OSBPL8: variants seen among roughly 807,000 people sequenced by gnomAD.
OSBPL8 encodes oxysterol-binding protein-related protein 8.
OSBPL8 carries 59 observed loss-of-function variants against 125.5 expected under a neutral mutation model. That is an observed-to-expected ratio of 0.47 (90% CI 0.38 to 0.58). The LOEUF (loss-of-function observed/expected upper bound fraction) is 0.58. Among genes scored for constraint, OSBPL8 ranks in the 20% least tolerant of loss-of-function variants. The pLI is 0.00. For missense variants in OSBPL8, 758 were observed against 1,047.8 expected, an observed-to-expected ratio of 0.72 and a Z score of 3.82; for synonymous variants, 330 against 338.9, an observed-to-expected ratio of 0.97 and a Z score of 0.29.
rs147585764 is a variant in OSBPL8 at position 76,376,499 on chromosome 12, C to T, written c.1730-1129G>A. On this transcript the variant is annotated intron_variant, in intron 16 of 23. Coordinates refer to ENST00000261183, the MANE Select transcript of OSBPL8 (RefSeq NM_020841.5). The stretch of plus-strand genomic sequence containing the variant: ...ATAAAAATCATTTCATATGCTCATT[C>T]GCAAGTGGTTATAACTTCTTTTCTT... Among the ~76,000 whole-genome samples the T allele has an allele frequency of 6.6e-3, 1,012 of 152,234 alleles. 11 individuals carry two copies. The highest frequency in any genetic ancestry group is 0.023 in the African/African-American group (966 of 41,548).
intron 5 of OSBPL8, among the ~76,000 whole-genome samples, chr12:76,403,281 T>C (rs1262591553): frequency 1.3e-5 from 2 of 152,206 alleles, no homozygotes; most frequent in East Asian, 3.8e-4. Context: ...TTCTAGGATC[T>C]ACTACTTCCT....
intron 8 of OSBPL8, among the ~76,000 whole-genome samples, chr12:76,397,203 T>A (rs7488135): frequency 0.023 from 23 of 1,002 alleles, no homozygotes; most frequent in Admixed American, 0.19. Flanking sequence ...TTAAAAAAAA[T>A]TTTTTTTTTT....
chr12:76,509,544 T>G (rs2137173253), intron 1 of OSBPL8, among the ~76,000 whole-genome samples: 1 of 152,334 alleles, frequency 6.6e-6, no homozygotes, highest in East Asian at 1.9e-4. Flanking sequence ...TTCGTCAAAA[T>G]TATTTCAAAA....
chr12:76,505,746 A>G (rs1880347555), intron 1 of OSBPL8, among the ~76,000 whole-genome samples: 1 of 152,138 alleles, frequency 6.6e-6, no homozygotes, highest in Non-Finnish European at 1.5e-5. Flanking sequence ...CATGTGGCAC[A>G]TCTAAAGAAT....
intron 1 of OSBPL8, among the ~76,000 whole-genome samples, chr12:76,511,287 AG>A (rs1880964940): frequency 2.0e-5 from 3 of 152,284 alleles, no homozygotes; most frequent in Middle Eastern, 3.4e-3. Context: ...GTCAAATAGT[AG>A]TTCTGCTTTT....
intron 1 of OSBPL8, among the ~76,000 whole-genome samples, chr12:76,547,933 C>T (rs946940269): frequency 1.3e-5 from 2 of 151,982 alleles, no homozygotes; most frequent in Non-Finnish European, 2.9e-5. Flanking sequence ...TAGGACCAAG[C>T]GGCATAAAGG....
At chr12:76,450,228 G>T (rs1302154457) in intron 4 of OSBPL8, among the ~76,000 whole-genome samples, 2 of 152,132 alleles carry the variant, frequency 1.3e-5, no homozygotes, top group Middle Eastern at 3.2e-3. Context: ...AGAGGCCAGG[G>T]ATACTGCTAA....
At chr12:76,545,178 A>G (rs571954604) in intron 1 of OSBPL8, among the ~76,000 whole-genome samples, 4 of 152,332 alleles carry the variant, frequency 2.6e-5, no homozygotes, top group Non-Finnish European at 5.9e-5. Context: ...TCTTAAAGAT[A>G]ATGCTTGCAA....
intron 1 of OSBPL8, among the ~76,000 whole-genome samples, chr12:76,525,144 T>C (rs1036216965): frequency 6.6e-6 from 1 of 152,202 alleles, no homozygotes; most frequent in Non-Finnish European, 1.5e-5. Flanking sequence ...ACCACTGAGG[T>C]GTATAGACCT....
At chr12:76,369,131 A>C in intron 21 of OSBPL8, 83 bp downstream of exon 21, 1 of 1,415,436 alleles carries the variant, frequency 7.1e-7, no homozygotes. Flanking sequence ...TTAAATTTTG[A>C]AACCAAATTT....
chr12:76,367,814 C>T (rs1387298011), intron 21 of OSBPL8, among the ~76,000 whole-genome samples: 1 of 152,162 alleles, frequency 6.6e-6, no homozygotes, highest in African/African-American at 2.4e-5. Flanking sequence ...TTCAGTAGTA[C>T]ATAAAAACTT....
chr12:76,526,368 T>C (rs1162400565), intron 1 of OSBPL8, among the ~76,000 whole-genome samples: 1 of 151,936 alleles, frequency 6.6e-6, no homozygotes, highest in African/African-American at 2.4e-5. Flanking sequence ...ACTTTAATTA[T>C]GCCGCCAGTT....
At chr12:76,450,771 C>T (rs1873293024) in intron 4 of OSBPL8, 80 bp downstream of exon 4, 1 of 1,372,474 alleles carries the variant, frequency 7.3e-7, no homozygotes, top group Non-Finnish European at 9.8e-7. Flanking sequence ...ATATGATAGT[C>T]CCCAAATGTC....
intron 4 of OSBPL8, among the ~76,000 whole-genome samples, chr12:76,429,283 C>G (rs1436322991): frequency 9.6e-6 from 1 of 103,824 alleles, no homozygotes; most frequent in Non-Finnish European, 2.5e-5. Context: ...TTTATAATTT[C>G]ATATATATAA....
At chr12:76,452,864 T>C (rs1873579502) in intron 3 of OSBPL8, among the ~76,000 whole-genome samples, 1 of 152,216 alleles carries the variant, frequency 6.6e-6, no homozygotes, top group Non-Finnish European at 1.5e-5. Flanking sequence ...ACCTGGAATA[T>C]TCCTACCCCA....
intron 2 of OSBPL8, among the ~76,000 whole-genome samples, chr12:76,464,180 G>A (rs1875090070): frequency 1.3e-5 from 2 of 152,122 alleles, no homozygotes; most frequent in African/African-American, 4.8e-5. Flanking sequence ...GAGGCAGGAG[G>A]ACTGCTTGAG....
chr12:76,461,639 A>G (rs948270747), intron 2 of OSBPL8, among the ~76,000 whole-genome samples: 2 of 151,976 alleles, frequency 1.3e-5, no homozygotes, highest in African/African-American at 4.8e-5. Context: ...GGGTTTCACC[A>G]TGTTAGCCAG....
At chr12:76,387,015 G>A (rs1953342375) in intron 12 of OSBPL8, among the ~76,000 whole-genome samples, 1 of 152,152 alleles carries the variant, frequency 6.6e-6, no homozygotes, top group African/African-American at 2.4e-5. Flanking sequence ...ATGGATTTTG[G>A]ATTCAGGCAC....
chr12:76,432,316 T>C (rs1592672135), intron 4 of OSBPL8, among the ~76,000 whole-genome samples: 1 of 152,214 alleles, frequency 6.6e-6, no homozygotes, highest in Admixed American at 6.5e-5. Context: ...CTGGGTACAG[T>C]GGCTTATGAC....
Sources: gnomAD v4.1 joint callset for allele counts (sites outside exome capture counted in the v4.1 genomes callset) on GRCh38, gnomAD v4.1.1 for gene constraint, MANE v1.5 for transcripts, NCBI Gene and HGNC (gene_info 2026-07-23, HGNC 2026-07-21) for gene names.